TP63: variants seen among roughly 807,000 people sequenced by gnomAD.
TP63 encodes tumor protein p63.
In TP63, 17 loss-of-function variants were observed where a neutral mutation model predicts 82.8. The ratio of observed to expected loss-of-function variants is 0.21; its 90% confidence interval spans 0.14 to 0.31. The LOEUF is 0.31. Among genes scored for constraint, TP63 ranks in the 10% least tolerant of loss-of-function variants. TP63 has a pLI of 1.00. For missense variants in TP63, 648 were observed against 895.3 expected, an observed-to-expected ratio of 0.72 and a Z score of 3.52; for synonymous variants, 330 against 321.7, an observed-to-expected ratio of 1.03 and a Z score of -0.28.
intron 4 of TP63, among the ~76,000 whole-genome samples, chr3:189,828,086 C>CA (rs1341288369): frequency 6.6e-6 from 1 of 151,906 alleles, no homozygotes; most frequent in Non-Finnish European, 1.5e-5. Context: ...ACTAAAAATA[C>CA]AAAAATTAGC....
chr3:189,698,898 A>G (rs540448256), intron 1 of TP63, among the ~76,000 whole-genome samples: 5 of 152,194 alleles, frequency 3.3e-5, no homozygotes, highest in Non-Finnish European at 7.3e-5. Context: ...GACAGGAAGA[A>G]TAGTATCTAT....
chr3:189,693,629 G>A (rs1044261738), intron 1 of TP63, among the ~76,000 whole-genome samples: 1 of 152,132 alleles, frequency 6.6e-6, no homozygotes, highest in African/African-American at 2.4e-5. Context: ...ACTCTAAAAG[G>A]TAAGAAAATT....
chr3:189,728,702 A>C (rs1719945289), intron 1 of TP63, among the ~76,000 whole-genome samples: 1 of 152,212 alleles, frequency 6.6e-6, no homozygotes, highest in Non-Finnish European at 1.5e-5. Context: ...ACAAAATGGC[A>C]GAAGGCACCT....
rs529754533 is a variant in TP63, at chr3:189,690,944, C to T, written c.63-46796C>T. 2.6e-5 allele frequency among the ~76,000 whole-genome samples: 4 copies of T among 152,298 alleles called. No individual in the cohort carries two copies. In the South Asian group the frequency reaches 8.3e-4, roughly 32 times the overall value. The stretch of plus-strand genomic sequence containing the variant: ...ACATAATAGAAAACTGGAGTTGTCA[C>T]TCTCAGGAACTGCTCCACCAGAACA... On this transcript the variant is annotated intron_variant, in intron 1 of 13. Coordinates refer to ENST00000264731, the MANE Select transcript of TP63 (RefSeq NM_003722.5).
chr3:189,720,825 T>C (rs1223434332), intron 1 of TP63, among the ~76,000 whole-genome samples: 1 of 151,268 alleles, frequency 6.6e-6, no homozygotes, highest in East Asian at 2.0e-4. Context: ...ACATTCATTA[T>C]CCAGCATCTC....
chr3:189,732,648 G>A (rs1720258311), intron 1 of TP63, among the ~76,000 whole-genome samples: 1 of 152,204 alleles, frequency 6.6e-6, no homozygotes, highest in Admixed American at 6.5e-5. Context: ...CATAGTTGAA[G>A]AAACTAAGGT....
At chr3:189,642,257 A>G (rs1324508638) in intron 1 of TP63, among the ~76,000 whole-genome samples, 1 of 152,166 alleles carries the variant, frequency 6.6e-6, no homozygotes, top group Admixed American at 6.5e-5. Context: ...ACAATTACTA[A>G]TTTTAAAAGA....
chr3:189,701,512 GATATATATACATATAT>G (rs1560120327), intron 1 of TP63, among the ~76,000 whole-genome samples: 2 of 103,220 alleles, frequency 1.9e-5, no homozygotes, highest in African/African-American at 4.8e-5. Context: ...AATGTGAGGA[GATATATATACATATAT>G]ATATATATAT....
intron 4 of TP63, among the ~76,000 whole-genome samples, chr3:189,821,005 G>C: frequency 6.6e-6 from 1 of 151,968 alleles, no homozygotes; most frequent in East Asian, 1.9e-4. Flanking sequence ...TACTTTAGGT[G>C]GTCTTAATGA....
At chr3:189,799,996 C>T (rs1421385385) in intron 3 of TP63, among the ~76,000 whole-genome samples, 3 of 152,092 alleles carry the variant, frequency 2.0e-5, no homozygotes, top group Admixed American at 6.6e-5. Flanking sequence ...TAACTTATTG[C>T]CTAGCAGAGA....
At chr3:189,849,394 C>G (rs113145862) in intron 4 of TP63, among the ~76,000 whole-genome samples, 1 of 152,016 alleles carries the variant, frequency 6.6e-6, no homozygotes, top group Non-Finnish European at 1.5e-5. Flanking sequence ...TCAACCTGTG[C>G]GATATGACAG....
intron 4 of TP63, among the ~76,000 whole-genome samples, chr3:189,809,033 A>G (rs953648897): frequency 2.8e-4 from 43 of 152,270 alleles, no homozygotes; most frequent in Middle Eastern, 3.4e-3. Context: ...TGTAGGTATC[A>G]ATAAATTATA....
At chr3:189,634,919 T>C (rs1729684794) in intron 1 of TP63, among the ~76,000 whole-genome samples, 1 of 152,076 alleles carries the variant, frequency 6.6e-6, no homozygotes, top group African/African-American at 2.4e-5. Flanking sequence ...TTCCATTCTT[T>C]CATTTCTAGA....
intron 10 of TP63, among the ~76,000 whole-genome samples, chr3:189,876,172 G>A (rs1264909310): frequency 6.6e-6 from 1 of 152,114 alleles, no homozygotes; most frequent in Non-Finnish European, 1.5e-5. Context: ...GATCATATGA[G>A]AAAAAGAATA....
Position 189,682,554 on chromosome 3 carries a change from ATATATATATATAT to A in TP63, c.62+50978_62+50990del, listed in dbSNP as rs1294509095. ...CTAAGGGGAAAAAAAAAAAAAAAAAATATATATATATATATATATATATATATATATATATATA... is the reference window on the plus strand; with the variant it reads ...CTAAGGGGAAAAAAAAAAAAAAAAAAATATATATATATATATATATATATA... On this transcript the variant is annotated intron_variant, in intron 1 of 13. Transcript: ENST00000264731. 3.9e-3 allele frequency among the ~76,000 whole-genome samples: 30 copies of A among 7,786 alleles called. 1 individual carries two copies. Among genetic ancestry groups the A allele is most frequent in the African/African-American group, 0.01 (26 of 2,504 alleles). 5.1% of individuals were successfully genotyped at this position (7,786 alleles called of 152,430 possible). A position where few individuals can be genotyped will look rare whatever the true frequency, so the allele number is the denominator to read the frequency against.
At chr3:189,707,618 C>G (rs1718300560) in intron 1 of TP63, among the ~76,000 whole-genome samples, 1 of 152,018 alleles carries the variant, frequency 6.6e-6, no homozygotes, top group South Asian at 2.1e-4. Flanking sequence ...GTAAAACCTT[C>G]CTGAGCAGAA....
chr3:189,653,906 A>G (rs1178165613), intron 1 of TP63, among the ~76,000 whole-genome samples: 2 of 152,200 alleles, frequency 1.3e-5, no homozygotes, highest in Non-Finnish European at 2.9e-5. Flanking sequence ...GCACCAAACC[A>G]GTGTTAGAGA....
chr3:189,856,911 G>C (rs577383491), intron 4 of TP63, among the ~76,000 whole-genome samples: 5 of 151,986 alleles, frequency 3.3e-5, no homozygotes, highest in Non-Finnish European at 7.4e-5. Flanking sequence ...TATGCTCATG[G>C]TTTAAAAGAC....
chr3:189,815,101 CCTT>C (rs1270511429), intron 4 of TP63, among the ~76,000 whole-genome samples: 3 of 152,164 alleles, frequency 2.0e-5, no homozygotes, highest in East Asian at 1.9e-4. Flanking sequence ...TCTACTCCCT[CCTT>C]CTCTTTTTTC....
Sources: gnomAD v4.1 joint callset for allele counts (sites outside exome capture counted in the v4.1 genomes callset) on GRCh38, gnomAD v4.1.1 for gene constraint, MANE v1.5 for transcripts, NCBI Gene and HGNC (gene_info 2026-07-23, HGNC 2026-07-21) for gene names.